The following EPB41L2 variants were observed in gnomAD, a reference collection of about 807,000 sequenced individuals.
EPB41L2 encodes band 4.1-like protein 2.
A neutral mutation model predicts 113.0 loss-of-function variants in EPB41L2; 43 were observed. The observed-to-expected ratio is 0.38, with a 90% confidence interval of 0.30 to 0.49. EPB41L2 has a LOEUF of 0.49. EPB41L2 is among the 20% of genes least tolerant of loss of function. EPB41L2 has a pLI of 0.95. For synonymous variants in EPB41L2, 442 were observed against 436.7 expected (o/e 1.01, Z -0.15); for missense variants, 1,147 against 1,223.4 (o/e 0.94, Z 0.93).
At chr6:131,052,929 C>G (rs1796853246) in intron 1 of EPB41L2, among the ~76,000 whole-genome samples, 3 of 151,748 alleles carry the variant, frequency 2.0e-5, no homozygotes, top group Non-Finnish European at 4.4e-5. Flanking sequence ...GAGTTTCGCT[C>G]TTGTTGCCCA....
chr6:130,896,943 C>G (rs1420015008), intron 8 of EPB41L2, among the ~76,000 whole-genome samples: 1 of 152,088 alleles, frequency 6.6e-6, no homozygotes, highest in Admixed American at 6.6e-5. Flanking sequence ...TCCAGATTCC[C>G]TCCCTACGTG....
chr6:131,014,078 A>AC (rs1787658220), intron 1 of EPB41L2: 1 of 151,504 alleles, frequency 6.6e-6, no homozygotes, highest in African/African-American at 2.4e-5. Flanking sequence ...AAAAAAAAAA[A>AC]AACTCAGGCA....
intron 10 of EPB41L2, 73 bp downstream of exon 10, chr6:130,894,271 C>T (rs1793881315): frequency 2.4e-6 from 3 of 1,234,488 alleles, no homozygotes; most frequent in Admixed American, 3.4e-5. Context: ...CCTCCCACCT[C>T]TGCCTCCTGA....
At chr6:131,003,802 G>A (rs1276414170) in intron 1 of EPB41L2, among the ~76,000 whole-genome samples, 1 of 152,090 alleles carries the variant, frequency 6.6e-6, no homozygotes, top group African/African-American at 2.4e-5. Context: ...TCAAAAGCAT[G>A]GGCAGGTTAT....
chr6:130,873,863 G>T (rs974954294), intron 14 of EPB41L2, among the ~76,000 whole-genome samples: 7 of 152,206 alleles, frequency 4.6e-5, no homozygotes, highest in Non-Finnish European at 8.8e-5. Context: ...GTGAGGTGAG[G>T]AGGGTGAGGG....
intron 3 of EPB41L2, among the ~76,000 whole-genome samples, chr6:130,946,677 A>T (rs1018823996): frequency 6.6e-6 from 1 of 152,130 alleles, no homozygotes; most frequent in South Asian, 2.1e-4. Flanking sequence ...GGATATAGAC[A>T]CATAAAATAC....
chr6:130,927,741 C>T (rs2128554917), intron 3 of EPB41L2, among the ~76,000 whole-genome samples: 1 of 152,208 alleles, frequency 6.6e-6, no homozygotes, highest in Non-Finnish European at 1.5e-5. Flanking sequence ...AATAGAATTG[C>T]ATCAAATTGT....
intron 1 of EPB41L2, among the ~76,000 whole-genome samples, chr6:130,971,616 A>G (rs1350236914): frequency 2.0e-5 from 3 of 152,244 alleles, no homozygotes; most frequent in Admixed American, 1.3e-4. Context: ...CACAGGATGG[A>G]GCAGAGAGTG....
chr6:130,952,542 A>G (rs1438045109), intron 3 of EPB41L2, among the ~76,000 whole-genome samples: 4 of 152,046 alleles, frequency 2.6e-5, no homozygotes, highest in Non-Finnish European at 5.9e-5. Context: ...CTATTTTGTT[A>G]AAGATCTAAA....
chr6:131,012,181 G>A (rs910797912), intron 1 of EPB41L2, among the ~76,000 whole-genome samples: 19 of 151,686 alleles, frequency 1.3e-4, no homozygotes, highest in Admixed American at 3.3e-4. Flanking sequence ...CTCCAGGCTG[G>A]GCAACTGAGG....
chr6:131,054,149 A>G (rs1488577435), intron 1 of EPB41L2, among the ~76,000 whole-genome samples: 1 of 152,214 alleles, frequency 6.6e-6, no homozygotes, highest in Non-Finnish European at 1.5e-5. Context: ...GCTAGAATCC[A>G]TGGATCTCTC....
chr6:130,942,670 G>A (rs1811272637), intron 3 of EPB41L2, among the ~76,000 whole-genome samples: 1 of 152,094 alleles, frequency 6.6e-6, no homozygotes, highest in Admixed American at 6.5e-5. Context: ...TGTTACATAG[G>A]TATACATGTG....
intron 1 of EPB41L2, among the ~76,000 whole-genome samples, chr6:130,993,160 T>A (rs1216799731): frequency 6.6e-6 from 1 of 152,180 alleles, no homozygotes; most frequent in African/African-American, 2.4e-5. Flanking sequence ...CTATTACAAT[T>A]AAATATTTGA....
intron 10 of EPB41L2, among the ~76,000 whole-genome samples, chr6:130,892,040 C>A (rs1793055515): frequency 6.6e-6 from 1 of 152,068 alleles, no homozygotes. Flanking sequence ...TTTTGTTAAC[C>A]ATTATATCAA....
At chr6:131,037,218 A>G (rs1793509564) in intron 1 of EPB41L2, among the ~76,000 whole-genome samples, 1 of 152,258 alleles carries the variant, frequency 6.6e-6, no homozygotes, top group Admixed American at 6.5e-5. Context: ...CGCTAAGCTT[A>G]GTATATGCCG....
intron 1 of EPB41L2, among the ~76,000 whole-genome samples, chr6:131,023,714 C>CGT (rs57842026): frequency 0.31 from 44,599 of 141,824 alleles, 7,183 homozygotes; most frequent in Non-Finnish European, 0.34. Flanking sequence ...AAAATGTGTG[C>CGT]GTGTGTGTGT....
chr6:130,917,666 C>T (rs1801562197), intron 4 of EPB41L2, among the ~76,000 whole-genome samples: 1 of 152,194 alleles, frequency 6.6e-6, no homozygotes, highest in South Asian at 2.1e-4. Flanking sequence ...TACTGCAAAA[C>T]CCCACTGCAA....
intron 19 of EPB41L2, among the ~76,000 whole-genome samples, chr6:130,855,709 G>T (rs938359255): frequency 2.6e-5 from 4 of 152,132 alleles, no homozygotes. Context: ...TCAAGGAAAA[G>T]AAGGCAATAT....
chr6:131,043,814 G>A (rs1794894993), intron 1 of EPB41L2, among the ~76,000 whole-genome samples: 1 of 152,052 alleles, frequency 6.6e-6, no homozygotes, highest in African/African-American at 2.4e-5. Flanking sequence ...TTATAGATAC[G>A]TAGTGAAGTA....
Sources: gnomAD v4.1 joint callset for allele counts (sites outside exome capture counted in the v4.1 genomes callset) on GRCh38, gnomAD v4.1.1 for gene constraint, MANE v1.5 for transcripts, NCBI Gene and HGNC (gene_info 2026-07-23, HGNC 2026-07-21) for gene names.